Variants in NRP2 observed in about 807,000 individuals in gnomAD.
NRP2 encodes the protein neuropilin-2.
In NRP2, 52 loss-of-function variants were observed where a neutral mutation model predicts 110.4. The ratio of observed to expected loss-of-function variants is 0.47; its 90% CI spans 0.38 to 0.59. The LOEUF is 0.59. NRP2 is among the 20% of genes least tolerant of loss of function. NRP2 has a pLI of 0.00. For synonymous variants in NRP2, 508 were observed against 468.9 expected, an observed-to-expected ratio of 1.08 and a Z score of -1.08; for missense variants, 1,049 against 1,203.0, an observed-to-expected ratio of 0.87 and a Z score of 1.89.
chr2:205,732,521 G>A (rs545970715), intron 7 of NRP2, among the ~76,000 whole-genome samples: 2 of 152,294 alleles, frequency 1.3e-5, no homozygotes, highest in South Asian at 2.1e-4. Flanking sequence ...ACGCCTCAGC[G>A]TTTCCACCCA....
At position 205,796,840 on chromosome 2, in the gene NRP2, A is replaced by G. The variant is rs929932989; in HGVS notation, c.*1782A>G. On this transcript the variant is annotated 3_prime_UTR_variant, in exon 17 of 17. Coordinates refer to ENST00000357785, the MANE Select transcript of NRP2 (RefSeq NM_003872.3). ...CAGTATGCCCAGCCTATTGCATATC[A>G]TTGTCAGACCATTTTTGCTGCTGTG... 1.3e-5 allele frequency: 2 copies of G among 152,676 alleles called. No individual in the cohort carries two copies. Among genetic ancestry groups the G allele is most frequent in the African/African-American group, 4.8e-5 (2 of 41,460 alleles). The allele number at this position is 152,676 out of a possible 1,614,324, so 9.5% of individuals were successfully genotyped here. A position where few individuals can be genotyped will look rare whatever the true frequency, so the allele number is the denominator to read the frequency against.
chr2:205,787,391 C>A (rs894030869), intron 15 of NRP2, among the ~76,000 whole-genome samples: 1 of 152,166 alleles, frequency 6.6e-6, no homozygotes, highest in Admixed American at 6.5e-5. Flanking sequence ...ATGGAAGGGA[C>A]TCTTCAAAGA....
chr2:205,757,337 G>C (rs879880338), intron 12 of NRP2, among the ~76,000 whole-genome samples: 2 of 152,244 alleles, frequency 1.3e-5, no homozygotes, highest in Non-Finnish European at 1.5e-5. Flanking sequence ...TAAGAAGTAA[G>C]ATTGTTAACA....
intron 13 of NRP2, chr2:205,764,313 G>A: frequency 3.8e-6 from 1 of 260,530 alleles, no homozygotes; most frequent in Non-Finnish European, 7.5e-6. Flanking sequence ...GGAGGAAATA[G>A]GATAATCTCC....
At chr2:205,777,925 G>A (rs1319880207) in intron 15 of NRP2, 1 of 152,144 alleles carries the variant, frequency 6.6e-6, no homozygotes, top group African/African-American at 2.4e-5. Flanking sequence ...CACAGAGAAG[G>A]TCAAATGAAG....
intron 2 of NRP2, among the ~76,000 whole-genome samples, chr2:205,715,775 C>T (rs2056882993): frequency 6.6e-6 from 1 of 152,042 alleles, no homozygotes; most frequent in African/African-American, 2.4e-5. Context: ...ATATTTTTAT[C>T]CTCATCTTAC....
chr2:205,745,799 C>G lies in NRP2; in HGVS notation c.1695C>G (p.Pro565=). Residue 565 remains proline, a synonymous_variant, in exon 10 of 17, where the codon CCC becomes CCG. Coordinates refer to ENST00000357785, the MANE Select transcript of NRP2 (RefSeq NM_003872.3). The part of the protein sequence containing the change: ...YDTPDIRRFD[P]IPAQYVRVYP... ...CCCCTGACATCCGAAGGTTTGACCCCATTCCGGCACAGTATGTGCGGGTAT... is the reference window on the plus strand; with the variant it reads ...CCCCTGACATCCGAAGGTTTGACCCGATTCCGGCACAGTATGTGCGGGTAT... The G allele has an allele frequency of 6.2e-7, 1 of 1,614,252 alleles. No individual in the cohort carries two copies. Among genetic ancestry groups the G allele is most frequent in the Non-Finnish European group, 8.5e-7 (1 of 1,180,036 alleles).
intron 7 of NRP2, among the ~76,000 whole-genome samples, chr2:205,730,456 G>A (rs567034837): frequency 1.8e-4 from 28 of 152,256 alleles, no homozygotes; most frequent in African/African-American, 6.0e-4. Context: ...CTGCTGGATG[G>A]TGGGCACTGT....
chr2:205,717,802 G>A (rs936611936), intron 3 of NRP2, among the ~76,000 whole-genome samples: 1 of 152,214 alleles, frequency 6.6e-6, no homozygotes, highest in Non-Finnish European at 1.5e-5. Context: ...GCAGTGGGGA[G>A]AATAAAAGAG....
intron 7 of NRP2, among the ~76,000 whole-genome samples, chr2:205,732,880 T>TA (rs1231179630): frequency 6.4e-4 from 98 of 151,964 alleles, no homozygotes; most frequent in Middle Eastern, 3.4e-3. Flanking sequence ...AACCTTTTTT[T>TA]TAAAAAAACC....
intron 12 of NRP2, among the ~76,000 whole-genome samples, chr2:205,754,810 G>A (rs943673210): frequency 6.6e-6 from 1 of 151,728 alleles, no homozygotes; most frequent in African/African-American, 2.4e-5. Context: ...GCATGGGTGT[G>A]TGTGTGTGTC....
In NRP2 at chr2:205,763,736, A is replaced by G; in HGVS notation, c.2107A>G (p.Ile703Val). 1 of 1,614,212 alleles carries G rather than the reference A, an allele frequency of 6.2e-7. No individual in the cohort carries two copies. The highest frequency in any genetic ancestry group is 8.5e-7 in the Non-Finnish European group (1 of 1,180,030). The change falls in exon 13 of 17, where the codon ATC (isoleucine) becomes GTC (valine). Residue 703 changes from isoleucine to valine, a missense_variant. Physicochemically the swap from Ile to Val is conservative, Grantham distance 29 (BLOSUM62 3). Transcript: ENST00000357785. The surrounding 1 kb of genome is among the most constrained non-coding windows in gnomAD (Gnocchi z 4.0). ...GAGAGAGGGCCAGTATGCCCGGCTCATCAGCCCCCCTGTCCACCTGCCCCG... is the reference window on the plus strand; with the variant it reads ...GAGAGAGGGCCAGTATGCCCGGCTCGTCAGCCCCCCTGTCCACCTGCCCCG... ...SQREGQYARL[I>V]SPPVHLPRSP...
At chr2:205,716,082 T>C in intron 2 of NRP2, 111 bp from the exon 3 acceptor site, 1 of 1,190,358 alleles carries the variant, frequency 8.4e-7, no homozygotes, top group Non-Finnish European at 1.2e-6. Context: ...CTTATCCATC[T>C]GAAACACCTT....
chr2:205,768,065 G>A, intron 15 of NRP2: 1 of 152,236 alleles, frequency 6.6e-6, no homozygotes, highest in South Asian at 2.1e-4. Context: ...CTCTAAGACA[G>A]CCAGTGAGGA....
At chr2:205,685,615 C>A (rs542832740) in intron 1 of NRP2, among the ~76,000 whole-genome samples, 1 of 152,332 alleles carries the variant, frequency 6.6e-6, no homozygotes, top group African/African-American at 2.4e-5. Context: ...ATGGGCGACG[C>A]GCACCAGGCT....
intron 7 of NRP2, among the ~76,000 whole-genome samples, chr2:205,733,738 C>T (rs1474048914): frequency 2.0e-5 from 3 of 151,936 alleles, no homozygotes; most frequent in Non-Finnish European, 4.4e-5. Flanking sequence ...ATTGACTGTT[C>T]CCCCCAAGCC....
chr2:205,755,237 T>G (rs1170185044), intron 12 of NRP2, among the ~76,000 whole-genome samples: 1 of 152,198 alleles, frequency 6.6e-6, no homozygotes, highest in Non-Finnish European at 1.5e-5. Flanking sequence ...GGGAGGGCTT[T>G]TCAGAGCAAG....
At chr2:205,737,819 G>GC (rs1451016769) in intron 7 of NRP2, among the ~76,000 whole-genome samples, 5 of 152,346 alleles carry the variant, frequency 3.3e-5, no homozygotes, top group African/African-American at 1.2e-4. Context: ...CTGTGTGCTT[G>GC]CCTCCCTTCC....
chr2:205,721,245 G>C (rs1166730030), intron 3 of NRP2, among the ~76,000 whole-genome samples: 1 of 152,164 alleles, frequency 6.6e-6, no homozygotes, highest in Non-Finnish European at 1.5e-5. Context: ...GTGAGCCCCA[G>C]AGGACACTTC....
Sources: gnomAD v4.1 joint callset for allele counts (sites outside exome capture counted in the v4.1 genomes callset) on GRCh38, gnomAD v4.1.1 for gene constraint, Gnocchi (gnomAD v3.1) non-coding constraint, MANE v1.5 for transcripts, NCBI Gene and HGNC (gene_info 2026-07-23, HGNC 2026-07-21) for gene names.